Variants in CHST10 observed in about 807,000 individuals in gnomAD.
CHST10 encodes HNK-1 sulfotransferase.
Under a neutral mutation model 34.7 loss-of-function variants are expected in CHST10, and 24 were observed. That is an observed-to-expected ratio of 0.69 (90% confidence interval 0.50 to 0.97). CHST10 has a LOEUF of 0.97. Among genes scored for constraint, CHST10 ranks in the 50% least tolerant of loss-of-function variants. The pLI, the probability that CHST10 is intolerant of heterozygous loss-of-function variation, is 0.00. For synonymous variants in CHST10, 161 were observed against 169.3 expected, an observed-to-expected ratio of 0.95 and a Z score of 0.38; for missense variants, 402 against 452.1, an observed-to-expected ratio of 0.89 and a Z score of 1.00.
rs188283182 is a variant in CHST10, at chr2:100,400,803, C to T, written c.192+1761G>A. Among the ~76,000 whole-genome samples, 308 of 152,260 alleles carry T rather than the reference C, an allele frequency of 2.0e-3. 13 individuals are homozygous for T. The East Asian group carries it at 0.055, about 27-fold the overall frequency. ...AAGAGATTCTCCTGCCTCAGCCTCC[C>T]GAGTAGCTGGGATTACAGGCACATG... On this transcript the variant is annotated intron_variant, in intron 4 of 6. Transcript: ENST00000264249.
intron 6 of CHST10, among the ~76,000 whole-genome samples, 179 bp downstream of exon 6, chr2:100,395,328 TGA>T (rs1675004165): frequency 6.6e-6 from 1 of 152,296 alleles, no homozygotes; most frequent in Non-Finnish European, 1.5e-5. Flanking sequence ...CAGAAGGAAC[TGA>T]GAGTTTTGAG....
chr2:100,406,444 G>A (rs1675577007), intron 3 of CHST10, 132 bp downstream of exon 3: 1 of 1,057,190 alleles, frequency 9.5e-7, no homozygotes, highest in South Asian at 1.5e-5. Flanking sequence ...CGGAGGCCAT[G>A]ACCTCCAAGG....
chr2:100,412,358 T>C (rs1050871498), intron 2 of CHST10, among the ~76,000 whole-genome samples: 3 of 152,146 alleles, frequency 2.0e-5, no homozygotes, highest in Non-Finnish European at 2.9e-5. Context: ...CAGCTAAGCA[T>C]GGTGTCATTT....
chr2:100,407,568 C>T (rs1253159474), intron 2 of CHST10: 10 of 152,206 alleles, frequency 6.6e-5, no homozygotes, highest in Admixed American at 6.5e-4. Flanking sequence ...AGAAGTGGTC[C>T]CCTCAACACA....
At chr2:100,398,242 C>T in intron 4 of CHST10, 100 bp from the exon 5 acceptor site, 1 of 796,916 alleles carries the variant, frequency 1.3e-6, no homozygotes, top group Non-Finnish European at 2.0e-6. Context: ...TCCTTTCCAT[C>T]TGGAGCCTTC....
chr2:100,414,187 A>G (rs1558647763), intron 2 of CHST10, among the ~76,000 whole-genome samples: 1 of 152,160 alleles, frequency 6.6e-6, no homozygotes, highest in Non-Finnish European at 1.5e-5. Context: ...CCAGAATTCC[A>G]AAAGTGGCAA....
At chr2:100,413,111 A>G (rs1274931559) in intron 2 of CHST10, among the ~76,000 whole-genome samples, 1 of 152,212 alleles carries the variant, frequency 6.6e-6, no homozygotes, top group Non-Finnish European at 1.5e-5. Context: ...GCGGCCTGAC[A>G]TAAAGAGTCT....
Position 100,393,445 on chromosome 2 carries a change from G to C in CHST10, c.871C>G (p.Pro291Ala), listed in dbSNP as rs747722795. Residue 291 changes from proline (P) to alanine (A), a missense_variant, in exon 7 of 7, where the codon CCA becomes GCA. Coordinates refer to ENST00000264249, the MANE Select transcript of CHST10 (RefSeq NM_004854.5). ...ATGCCAGCCTCTTTTAAGATGTATGGGGCATCGTCCTCCAGGGTCTCGTGG... is the reference window on the plus strand; with the variant it reads ...ATGCCAGCCTCTTTTAAGATGTATGCGGCATCGTCCTCCAGGGTCTCGTGG... ...GHHETLEDDA[P>A]YILKEAGIDH... The C allele has an allele frequency of 3.1e-6, 5 of 1,614,014 alleles. No homozygotes were observed. The East Asian group carries it at 1.1e-4, about 36-fold the overall frequency.
Position 100,406,702 on chromosome 2 carries a change from C to G in CHST10, c.-27G>C, listed in dbSNP as rs1248777183. 6.2e-7 allele frequency: 1 copy of G among 1,613,364 alleles called. No homozygotes were observed. The highest frequency in any genetic ancestry group is 1.7e-5 in the Admixed American group (1 of 59,960). ...TTGTCACACCGCAGCCATTCACTGACTCTTCCTGGAAAACACAAGCGAGAT... is the reference window on the plus strand; with the variant it reads ...TTGTCACACCGCAGCCATTCACTGAGTCTTCCTGGAAAACACAAGCGAGAT... On this transcript the variant is annotated 5_prime_UTR_variant, in exon 3 of 7. Transcript: ENST00000264249.
intron 4 of CHST10, among the ~76,000 whole-genome samples, chr2:100,402,348 T>C (rs1242912980): frequency 2.0e-5 from 3 of 152,188 alleles, no homozygotes; most frequent in Non-Finnish European, 4.4e-5. Flanking sequence ...AGAGCAGCCC[T>C]GATGCACAGA....
chr2:100,404,255 C>T (rs777523312), intron 3 of CHST10, among the ~76,000 whole-genome samples: 1 of 152,170 alleles, frequency 6.6e-6, no homozygotes, highest in African/African-American at 2.4e-5. Context: ...GCACACTGTG[C>T]GGCCAACAGC....
At chr2:100,411,292 A>G (rs910444985) in intron 2 of CHST10, among the ~76,000 whole-genome samples, 2 of 152,030 alleles carry the variant, frequency 1.3e-5, no homozygotes, top group Non-Finnish European at 2.9e-5. Flanking sequence ...TTATATTTTT[A>G]GTAGAGATGG....
rs1674917695 is a variant in CHST10, at chr2:100,393,800, C to G, written c.534-18G>C. On this transcript the variant is annotated intron_variant, in intron 6 of 6. Coordinates refer to ENST00000264249, the MANE Select transcript of CHST10 (RefSeq NM_004854.5). ...TTTTCAATCTAAGGAAAAAAACGAACAAGAGGTTAACTTGATGCCACAGGA... is the reference window on the plus strand; with the variant it reads ...TTTTCAATCTAAGGAAAAAAACGAAGAAGAGGTTAACTTGATGCCACAGGA... The G allele has an allele frequency of 6.3e-7, 1 of 1,595,336 alleles. No homozygotes were observed. The highest frequency in any genetic ancestry group is 8.5e-7 in the Non-Finnish European group (1 of 1,174,222).
intron 5 of CHST10, among the ~76,000 whole-genome samples, chr2:100,397,615 G>A (rs1245174751): frequency 6.6e-6 from 1 of 152,236 alleles, no homozygotes. Flanking sequence ...AAGAGACAAA[G>A]GAGGGGGGCC....
intron 4 of CHST10, among the ~76,000 whole-genome samples, chr2:100,401,477 A>G (rs1675339746): frequency 6.6e-6 from 1 of 152,138 alleles, no homozygotes; most frequent in Non-Finnish European, 1.5e-5. Flanking sequence ...CTCACAGGGT[A>G]TGGCATCCTT....
intron 3 of CHST10, among the ~76,000 whole-genome samples, chr2:100,406,137 G>A (rs775079392): frequency 1.3e-4 from 20 of 152,062 alleles, no homozygotes; most frequent in Non-Finnish European, 2.5e-4. Flanking sequence ...ACCCTCCTCC[G>A]CTGCATGGAG....
At chr2:100,417,328 G>T (rs1054659868) in intron 1 of CHST10, 46 bp downstream of exon 1, 6 of 346,626 alleles carry the variant, frequency 1.7e-5, no homozygotes, top group African/African-American at 1.3e-4. Flanking sequence ...GCGGGGAGAG[G>T]GGCCCAGGCG....
chr2:100,404,387 G>A (rs1675476316), intron 3 of CHST10, among the ~76,000 whole-genome samples: 1 of 152,202 alleles, frequency 6.6e-6, no homozygotes, highest in South Asian at 2.1e-4. Context: ...TCACTCGCCT[G>A]AAGGCAGCCG....
intron 4 of CHST10, among the ~76,000 whole-genome samples, chr2:100,401,661 T>C (rs1174077907): frequency 6.6e-6 from 1 of 152,192 alleles, no homozygotes; most frequent in Non-Finnish European, 1.5e-5. Flanking sequence ...CTGGGATGCC[T>C]CAACCTAAAA....
Sources: allele counts gnomAD v4.1 joint callset (sites outside exome capture counted in the v4.1 genomes callset), GRCh38; gene constraint gnomAD v4.1.1; transcripts MANE v1.5; gene names NCBI Gene and HGNC (gene_info 2026-07-23, HGNC 2026-07-21).